The following CLEC1A variants were observed in gnomAD, a reference collection of about 807,000 sequenced individuals.
CLEC1A encodes the protein C-type lectin domain family 1 member A, also known as C-type lectin-like receptor-1.
CLEC1A carries 34 observed loss-of-function variants against 28.7 expected under a neutral mutation model. That is an observed-to-expected ratio of 1.18 (90% confidence interval 0.90 to 1.57). The LOEUF is 1.57. Ranked by LOEUF, CLEC1A falls within the 40% of genes most tolerant of loss-of-function variation. The probability of loss-of-function intolerance (pLI) is 0.00; values close to 1 mark genes in which losing one functional copy is unlikely to be tolerated. For synonymous variants in CLEC1A, 116 were observed against 121.0 expected, an observed-to-expected ratio of 0.96 and a Z score of 0.27; for missense variants, 385 against 339.5, an observed-to-expected ratio of 1.13 and a Z score of -1.05.
At chr12:10,096,795 A>G (rs1947782952) in intron 1 of CLEC1A, among the ~76,000 whole-genome samples, 1 of 151,906 alleles carries the variant, frequency 6.6e-6, no homozygotes, top group African/African-American at 2.4e-5. Context: ...CCTCTCAAAC[A>G]CCCTCACTCC....
intron 1 of CLEC1A, among the ~76,000 whole-genome samples, chr12:10,098,326 TA>T (rs1203192983): frequency 2.0e-5 from 3 of 152,246 alleles, no homozygotes; most frequent in African/African-American, 7.2e-5. Flanking sequence ...TTATTACTTC[TA>T]TTTAATATTA....
chr12:10,094,548 A>T (rs1184028303), intron 1 of CLEC1A, among the ~76,000 whole-genome samples: 1 of 151,832 alleles, frequency 6.6e-6, no homozygotes, highest in Admixed American at 6.5e-5. Context: ...CTTTACAAAA[A>T]TTGAATTACC....
chr12:10,090,956 T>A (rs904821612), intron 1 of CLEC1A, among the ~76,000 whole-genome samples: 1 of 152,146 alleles, frequency 6.6e-6, no homozygotes, highest in Non-Finnish European at 1.5e-5. Context: ...TGAACTATTT[T>A]CCCCTCACTC....
At chr12:10,087,367 C>T (rs778114045) in intron 2 of CLEC1A, among the ~76,000 whole-genome samples, 95 of 149,212 alleles carry the variant, frequency 6.4e-4, no homozygotes, top group Admixed American at 1.9e-3. Flanking sequence ...AACAAAAATC[C>T]TATGATCATC....
chr12:10,087,540 CAG>C (rs1375047589), intron 2 of CLEC1A, among the ~76,000 whole-genome samples: 2 of 116,682 alleles, frequency 1.7e-5, no homozygotes, highest in Non-Finnish European at 3.3e-5. Context: ...TTTTTTTAGA[CAG>C]AGTCTCACTC....
intron 3 of CLEC1A, among the ~76,000 whole-genome samples, chr12:10,078,953 G>A (rs981846801): frequency 3.3e-5 from 5 of 152,298 alleles, no homozygotes; most frequent in African/African-American, 9.6e-5. Context: ...CCCATGTGTG[G>A]AAGCTGCCTG....
intron 1 of CLEC1A, among the ~76,000 whole-genome samples, chr12:10,096,813 T>A (rs1947783253): frequency 6.6e-6 from 1 of 152,098 alleles, no homozygotes; most frequent in Non-Finnish European, 1.5e-5. Flanking sequence ...TCCCGATTCC[T>A]TATTATGTGG....
chr12:10,096,412 T>C (rs552282046), intron 1 of CLEC1A, among the ~76,000 whole-genome samples: 1 of 152,308 alleles, frequency 6.6e-6, no homozygotes, highest in Admixed American at 6.5e-5. Flanking sequence ...ATTTTTACTA[T>C]ACTGCCTCAG....
At chr12:10,097,087 G>C (rs964753589) in intron 1 of CLEC1A, among the ~76,000 whole-genome samples, 1 of 152,098 alleles carries the variant, frequency 6.6e-6, no homozygotes, top group Non-Finnish European at 1.5e-5. Flanking sequence ...ACATAAGTTT[G>C]TGAAAAATGT....
chr12:10,078,495 C>T (rs1866299467), intron 3 of CLEC1A, among the ~76,000 whole-genome samples: 3 of 152,148 alleles, frequency 2.0e-5, no homozygotes, highest in South Asian at 2.1e-4. Flanking sequence ...TCAGGATTTA[C>T]GACAGCTCTA....
At chr12:10,085,196 A>AACGC (rs1866460704) in intron 2 of CLEC1A, among the ~76,000 whole-genome samples, 1 of 129,076 alleles carries the variant, frequency 7.7e-6, no homozygotes, top group African/African-American at 2.9e-5. Context: ...ATAAGACAAT[A>AACGC]ACACACACAC....
chr12:10,087,238 T>TCCAACAGC (rs1220490901), intron 2 of CLEC1A, among the ~76,000 whole-genome samples: 1 of 137,660 alleles, frequency 7.3e-6, no homozygotes, highest in Non-Finnish European at 1.6e-5. Context: ...GCTAACTGAA[T>TCCAACAGC]CCAACAGCAC....
intron 4 of CLEC1A, among the ~76,000 whole-genome samples, chr12:10,074,529 T>C (rs1316047495): frequency 6.6e-6 from 1 of 152,160 alleles, no homozygotes; most frequent in Non-Finnish European, 1.5e-5. Flanking sequence ...TCCTACCACG[T>C]GATATAATAT....
Position 10,073,417 on chromosome 12 carries a change from A to G in CLEC1A, c.544-6T>C. ...CTCTGAGACGCGGCAAATTCCTGTG[A>G]AAAGCACATAAGAAAAGCTTTAGCT... On this transcript the variant is annotated splice_polypyrimidine_tract_variant and splice_region_variant and intron_variant, in intron 4 of 5. Transcript: ENST00000315330. 1 of 1,602,790 alleles carries G rather than the reference A, an allele frequency of 6.2e-7. No homozygotes were observed. Among genetic ancestry groups the G allele is most frequent in the Non-Finnish European group, 8.5e-7 (1 of 1,170,114 alleles).
chr12:10,089,195 C>T lies in CLEC1A; in HGVS notation c.143G>A (p.Arg48Gln), dbSNP rs753776952. 17 of 1,613,814 alleles carry T rather than the reference C, an allele frequency of 1.1e-5. No homozygotes were observed. The highest frequency in any genetic ancestry group is 1.3e-5 in the Non-Finnish European group (15 of 1,179,930). Reference protein sequence around the residue: ...TEHRAPSSTWRPVALTLLTLC... With the variant: ...TEHRAPSSTWQPVALTLLTLC... ...AGTCAGCAGGGTCAGGGCCACTGGT[C>T]GCCACGTTGAAGAGGGAGCCCTGTG... Residue 48 changes from arginine (R) to glutamine (Q), a missense_variant, in exon 2 of 6, where the codon CGA (arginine) becomes CAA (glutamine). Physicochemically the swap from Arg to Gln is conservative, Grantham distance 43. Coordinates refer to ENST00000315330, the MANE Select transcript of CLEC1A (RefSeq NM_016511.4).
Position 10,073,336 on chromosome 12 carries a change from T to C in CLEC1A, c.619A>G (p.Lys207Glu), listed in dbSNP as rs145105564. 824 of 1,614,042 alleles carry C rather than the reference T, an allele frequency of 5.1e-4. 5 individuals are homozygous for C. The African/African-American group carries it at 9.8e-3, about 19-fold the overall frequency. ...GTTCCATCCATCCACAGCCAGGCCT[T>C]GCCACTGTCAGGGCGCAAAAGCCCT... ...WTGLLRPDSG[K>E]AWLWMDGTPF... Residue 207 changes from lysine to glutamate, a missense_variant, in exon 5 of 6, where the codon AAG becomes GAG. Physicochemically the swap from Lys to Glu is moderately conservative, Grantham distance 56. Coordinates refer to ENST00000315330, the MANE Select transcript of CLEC1A (RefSeq NM_016511.4).
At chr12:10,094,136 C>CA (rs1947746256) in intron 1 of CLEC1A, among the ~76,000 whole-genome samples, 1 of 152,006 alleles carries the variant, frequency 6.6e-6, no homozygotes, top group Admixed American at 6.6e-5. Context: ...TTAGGTGACT[C>CA]AATTTTATAT....
intron 4 of CLEC1A, among the ~76,000 whole-genome samples, chr12:10,075,011 T>C (rs1866220701): frequency 6.6e-6 from 1 of 152,252 alleles, no homozygotes; most frequent in African/African-American, 2.4e-5. Flanking sequence ...TCAATATATG[T>C]CAATTTGTAG....
chr12:10,080,187 C>A (rs1293444516), intron 3 of CLEC1A, among the ~76,000 whole-genome samples: 1 of 152,058 alleles, frequency 6.6e-6, no homozygotes, highest in Non-Finnish European at 1.5e-5. Flanking sequence ...GTGGTGCACA[C>A]CTGTAGTCCC....
Sources: gnomAD v4.1 joint callset for allele counts (sites outside exome capture counted in the v4.1 genomes callset) on GRCh38, gnomAD v4.1.1 for gene constraint, MANE v1.5 for transcripts, NCBI Gene and HGNC (gene_info 2026-07-23, HGNC 2026-07-21) for gene names.